Variants in SHANK2 observed in about 807,000 individuals in gnomAD.
SHANK2 encodes SH3 and multiple ankyrin repeat domains protein 2.
A neutral mutation model predicts 133.7 loss-of-function variants in SHANK2; 43 were observed. The ratio of observed to expected loss-of-function variants is 0.32; its 90% CI spans 0.25 to 0.41. The LOEUF (loss-of-function observed/expected upper bound fraction) is 0.41, where lower values mean the gene tolerates loss of function less well. Ranked by LOEUF, SHANK2 falls within the 10% of genes least tolerant of loss-of-function variation. SHANK2 has a pLI of 1.00. For missense variants in SHANK2, 1,994 were observed against 2,235.8 expected (o/e 0.89, Z 2.18); for synonymous variants, 1,017 against 952.8 (o/e 1.07, Z -1.24).
chr11:71,085,630 AAT>A lies in SHANK2; in HGVS notation c.912+6790_912+6791del, dbSNP rs1380571544. Among the ~76,000 whole-genome samples, 60 of 63,232 alleles carry A rather than the reference AAT, an allele frequency of 9.5e-4. 1 individual carries two copies. The highest frequency in any genetic ancestry group is 3.5e-3 in the African/African-American group (57 of 16,306). 41.5% of individuals were successfully genotyped at this position (63,232 alleles called of 152,430 possible). A position where few individuals can be genotyped will look rare whatever the true frequency, so the allele number is the denominator to read the frequency against. The stretch of plus-strand genomic sequence containing the variant: ...AAATATATATTATATTATATATTAT[AAT>A]ATATATAATATATTATGTTATATAT... On this transcript the variant is annotated intron_variant, in intron 8 of 25. Coordinates refer to ENST00000601538, the MANE Select transcript of SHANK2 (RefSeq NM_012309.5).
chr11:71,249,426 G>A (rs1408986989), intron 1 of SHANK2, among the ~76,000 whole-genome samples: 2 of 152,320 alleles, frequency 1.3e-5, no homozygotes, highest in South Asian at 2.1e-4. Flanking sequence ...GGCTCCTGAA[G>A]AGGCTGTGCG....
Position 70,489,296 on chromosome 11 carries a change from A to G in SHANK2, c.2572+32T>C, listed in dbSNP as rs1422528271. The G allele has an allele frequency of 3.7e-6, 6 of 1,603,856 alleles. No homozygotes were observed. In the East Asian group the frequency reaches 6.7e-5, roughly 18 times the overall value. On this transcript the variant is annotated intron_variant, in intron 24 of 25. Transcript: ENST00000601538. Reference sequence around the variant, plus strand: ...ATAAAGTAAACTGGGTTACATTCAGATTACAGATTCCAAACCGTAAGGTTC... The same window carrying G: ...ATAAAGTAAACTGGGTTACATTCAGGTTACAGATTCCAAACCGTAAGGTTC...
chr11:71,215,355 C>T (rs575913650), intron 2 of SHANK2, among the ~76,000 whole-genome samples: 94 of 152,272 alleles, frequency 6.2e-4, no homozygotes, highest in Non-Finnish European at 8.7e-4. Flanking sequence ...TGTCTGAACA[C>T]GCCACTCTGT....
In SHANK2 at chr11:70,882,703, C is replaced by T. The variant is rs550679195; in HGVS notation, c.1174+13798G>A. Among the ~76,000 whole-genome samples the T allele has an allele frequency of 1.3e-5, 2 of 152,184 alleles. No homozygotes were observed. Among genetic ancestry groups the T allele is most frequent in the Non-Finnish European group, 2.9e-5 (2 of 68,028 alleles). On this transcript the variant is annotated intron_variant, in intron 11 of 25. Transcript: ENST00000601538. This position sits in a 1 kb window ranked among gnomAD's most constrained non-coding sequence, Gnocchi z 4.2. ...TGCAGGGAGAGGACGGTGATCCCCA[C>T]GGCTTTGCTAAAAGGCGGCAGTGGC...
intron 17 of SHANK2, among the ~76,000 whole-genome samples, chr11:70,647,833 C>T (rs1166901747): frequency 4.0e-5 from 6 of 151,218 alleles, no homozygotes; most frequent in African/African-American, 1.5e-4. Flanking sequence ...ACCCGCCCAT[C>T]CCACCCCGGA....
intron 12 of SHANK2, among the ~76,000 whole-genome samples, chr11:70,816,842 G>GC (rs1327587020): frequency 6.6e-6 from 1 of 152,088 alleles, no homozygotes; most frequent in African/African-American, 2.4e-5. Flanking sequence ...CTCTAGCCAG[G>GC]CCCCCCTCCC....
At chr11:71,241,510 G>A (rs1476076159) in intron 1 of SHANK2, among the ~76,000 whole-genome samples, 2 of 152,150 alleles carry the variant, frequency 1.3e-5, no homozygotes, top group African/African-American at 2.4e-5. Flanking sequence ...ATCAGCCTGC[G>A]TTTAAGATCA....
At chr11:71,174,383 T>G (rs1316477564) in intron 2 of SHANK2, among the ~76,000 whole-genome samples, 4 of 151,956 alleles carry the variant, frequency 2.6e-5, no homozygotes, top group Non-Finnish European at 5.9e-5. Flanking sequence ...CTCATTTCTA[T>G]AAAAAATCAA....
intron 15 of SHANK2, among the ~76,000 whole-genome samples, chr11:70,665,938 A>G (rs1268042089): frequency 6.6e-6 from 1 of 152,228 alleles, no homozygotes; most frequent in Non-Finnish European, 1.5e-5. Context: ...TACAAGGTCA[A>G]TGGGGGCAGT....
intron 9 of SHANK2, among the ~76,000 whole-genome samples, chr11:71,067,580 T>G (rs1481767903): frequency 6.6e-6 from 1 of 152,192 alleles, no homozygotes; most frequent in Non-Finnish European, 1.5e-5. Context: ...GTGGAGGTGG[T>G]AAGGCCTGCC....
At chr11:70,718,266 C>T (rs1291273815) in intron 14 of SHANK2, among the ~76,000 whole-genome samples, 2 of 152,210 alleles carry the variant, frequency 1.3e-5, no homozygotes, top group African/African-American at 2.4e-5. Context: ...GGTGTTTCCT[C>T]GGTCTTGGCC....
chr11:71,076,783 A>T lies in SHANK2; in HGVS notation c.913-1508T>A, dbSNP rs1004876502. Among the ~76,000 whole-genome samples the T allele has an allele frequency of 1.8e-4, 28 of 152,334 alleles. No individual in the cohort carries two copies. The East Asian group carries it at 4.3e-3, about 23-fold the overall frequency. On this transcript the variant is annotated intron_variant, in intron 8 of 25. Transcript: ENST00000601538. ...TGCAGAGGCACAGGACATAGGCAGG[A>T]GCCATCAGGTTCCAACTCCCCAGGC...
At chr11:70,770,218 C>T (rs1024680640) in intron 14 of SHANK2, among the ~76,000 whole-genome samples, 3 of 152,198 alleles carry the variant, frequency 2.0e-5, no homozygotes, top group Non-Finnish European at 2.9e-5. Flanking sequence ...ACTTGGAGCT[C>T]GGCTGTGTCT....
At chr11:70,835,305 T>C (rs1948795696) in intron 11 of SHANK2, among the ~76,000 whole-genome samples, 1 of 152,126 alleles carries the variant, frequency 6.6e-6, no homozygotes, top group South Asian at 2.1e-4. Flanking sequence ...TACCTGGGCC[T>C]CCCACAGGGG....
chr11:70,636,316 C>T (rs1565200737), intron 17 of SHANK2, among the ~76,000 whole-genome samples: 3 of 152,040 alleles, frequency 2.0e-5, no homozygotes, highest in South Asian at 4.2e-4. Flanking sequence ...GATGTGTGAG[C>T]GTGTGAATGT....
At chr11:70,794,629 C>A (rs1245256509) in intron 14 of SHANK2, among the ~76,000 whole-genome samples, 1 of 152,312 alleles carries the variant, frequency 6.6e-6, no homozygotes, top group Admixed American at 6.5e-5. Flanking sequence ...GCGACCTTGG[C>A]TCACTGCAAC....
chr11:70,859,026 A>G (rs1396765641), intron 11 of SHANK2, among the ~76,000 whole-genome samples: 1 of 152,258 alleles, frequency 6.6e-6, no homozygotes, highest in African/African-American at 2.4e-5. Flanking sequence ...GCCTAGAGTC[A>G]TAAAATGTTT....
intron 14 of SHANK2, among the ~76,000 whole-genome samples, chr11:70,782,443 G>A (rs1555045385): frequency 6.6e-6 from 1 of 152,236 alleles, no homozygotes; most frequent in Non-Finnish European, 1.5e-5. Context: ...CCAACAAGGG[G>A]GAAAGCAGGC....
At chr11:70,530,321 C>A (rs147721532) in intron 17 of SHANK2, among the ~76,000 whole-genome samples, 1 of 152,248 alleles carries the variant, frequency 6.6e-6, no homozygotes, top group African/African-American at 2.4e-5. Flanking sequence ...ACAATCCTCG[C>A]ACCCAGGAGT....
Sources: gnomAD v4.1 joint callset for allele counts (sites outside exome capture counted in the v4.1 genomes callset) on GRCh38, gnomAD v4.1.1 for gene constraint, Gnocchi (gnomAD v3.1) non-coding constraint, MANE v1.5 for transcripts, NCBI Gene and HGNC (gene_info 2026-07-23, HGNC 2026-07-21) for gene names.